Variants in TP53BP2 observed in about 807,000 individuals in gnomAD.
TP53BP2 encodes the protein apoptosis-stimulating of p53 protein 2.
TP53BP2 carries 62 observed loss-of-function variants against 126.2 expected under a neutral mutation model. The ratio of observed to expected loss-of-function variants is 0.49; its 90% CI spans 0.40 to 0.61. The LOEUF (loss-of-function observed/expected upper bound fraction) is 0.61, where lower values mean the gene tolerates loss of function less well. Among genes scored for constraint, TP53BP2 ranks in the 20% least tolerant of loss-of-function variants. TP53BP2 has a pLI of 0.00. For missense variants in TP53BP2, 1,215 were observed against 1,402.8 expected (o/e 0.87, Z 2.14); for synonymous variants, 485 against 502.9 (o/e 0.96, Z 0.48).
At position 223,845,798 on chromosome 1, in the gene TP53BP2, G is replaced by GGCA. The variant is rs1460762300; in HGVS notation, c.-121_-119dup. ...GGACCTGTTGCGAGGCGGCGGCGGC[G>GGCA]GCAGCGGCGGCGCGCGGGTCCGAAG... On this transcript the variant is annotated 5_prime_UTR_variant, in exon 1 of 18. Coordinates refer to ENST00000343537, the MANE Select transcript of TP53BP2 (RefSeq NM_001031685.3). 3,629 of 1,007,346 alleles carry GGCA rather than the reference G, an allele frequency of 3.6e-3. 12 individuals are homozygous for GGCA. Among genetic ancestry groups the GGCA allele is most frequent in the Non-Finnish European group, 4.0e-3 (3,121 of 789,026 alleles). The allele number at this position is 1,007,346 out of a possible 1,614,324, so 62.4% of individuals were successfully genotyped here.
rs1241614443 is a variant in TP53BP2 at position 223,845,608 on chromosome 1, C to T, written c.27+46G>A. The stretch of plus-strand genomic sequence containing the variant: ...GCGCGGACCAGCCCCCGGCACGCGA[C>T]CCCGCACACTTCCGGGCCCGACGCC... On this transcript the variant is annotated intron_variant, in intron 1 of 17. Transcript: ENST00000343537. 25 of 1,531,090 alleles carry T rather than the reference C, an allele frequency of 1.6e-5. No homozygotes were observed. The African/African-American group carries it at 3.2e-4, about 19-fold the overall frequency. The allele number at this position is 1,531,090 out of a possible 1,614,324, so 94.8% of individuals were successfully genotyped here.
intron 17 of TP53BP2, among the ~76,000 whole-genome samples, chr1:223,783,374 TC>T (rs1388595128): frequency 5.3e-5 from 8 of 152,198 alleles, no homozygotes; most frequent in African/African-American, 1.4e-4. Flanking sequence ...AACTGGCTCT[TC>T]CCTTCCTCAA....
chr1:223,820,608 C>G (rs73131132), intron 2 of TP53BP2, among the ~76,000 whole-genome samples: 2,996 of 152,200 alleles, frequency 0.02, 105 homozygotes, highest in African/African-American at 0.067. Flanking sequence ...GTGTGACTTG[C>G]TCTGGGGATA....
At chr1:223,813,317 G>A (rs1422530439) in intron 3 of TP53BP2, among the ~76,000 whole-genome samples, 1 of 152,000 alleles carries the variant, frequency 6.6e-6, no homozygotes, top group Non-Finnish European at 1.5e-5. Context: ...GCCCCACCTG[G>A]GACCACAACA....
At chr1:223,799,632 A>G (rs1662462534) in intron 11 of TP53BP2, among the ~76,000 whole-genome samples, 1 of 152,230 alleles carries the variant, frequency 6.6e-6, no homozygotes, top group Admixed American at 6.5e-5. Context: ...AACAATACAA[A>G]TACAGTGTTC....
At position 223,796,133 on chromosome 1, in the gene TP53BP2, G is replaced by A. The variant is rs754183423; in HGVS notation, c.2406C>T (p.Pro802=). Residue 802 remains proline (P), a synonymous_variant, in exon 13 of 18, where the codon CCC becomes CCT. Coordinates refer to ENST00000343537, the MANE Select transcript of TP53BP2 (RefSeq NM_001031685.3). This position sits in a 1 kb window ranked among gnomAD's most constrained non-coding sequence, Gnocchi z 4.2. ...EIQNPYLHVE[P]EKEVVSLVPE... ...GAACCAGAGAGACCACCTCCTTTTCGGGCTCCACATGTAAATATGGATTCT... is the reference window on the plus strand; with the variant it reads ...GAACCAGAGAGACCACCTCCTTTTCAGGCTCCACATGTAAATATGGATTCT... The A allele has an allele frequency of 6.4e-5, 103 of 1,613,954 alleles. No homozygotes were observed. Among genetic ancestry groups the A allele is most frequent in the Admixed American group, 2.2e-4 (13 of 59,988 alleles).
intron 11 of TP53BP2, among the ~76,000 whole-genome samples, chr1:223,799,433 A>G (rs1662454066): frequency 6.6e-6 from 1 of 152,182 alleles, no homozygotes; most frequent in East Asian, 1.9e-4. Context: ...CATCTTTCAT[A>G]TTCAGATGGC....
intron 12 of TP53BP2, 98 bp downstream of exon 12, chr1:223,798,117 G>A: frequency 8.2e-7 from 1 of 1,212,138 alleles, no homozygotes; most frequent in Non-Finnish European, 1.2e-6. Flanking sequence ...CTTAGCGTCA[G>A]TCAAAATAGG....
At chr1:223,831,251 C>T (rs1326906578) in intron 1 of TP53BP2, among the ~76,000 whole-genome samples, 1 of 146,816 alleles carries the variant, frequency 6.8e-6, no homozygotes, top group African/African-American at 2.5e-5. Flanking sequence ...AAAAATAGCT[C>T]GGTGTGGTAG....
At chr1:223,789,509 G>A (rs1662081106) in intron 15 of TP53BP2, among the ~76,000 whole-genome samples, 2 of 152,204 alleles carry the variant, frequency 1.3e-5, no homozygotes, top group African/African-American at 4.8e-5. Context: ...ATGTCCTGGA[G>A]CATCCAGCCT....
rs1190794098 is a variant in TP53BP2 at position 223,799,920 on chromosome 1, T to C, written c.1464A>G (p.Glu488=). 6.3e-7 allele frequency: 1 copy of C among 1,598,626 alleles called. No individual in the cohort carries two copies. The highest frequency in any genetic ancestry group is 8.5e-7 in the Non-Finnish European group (1 of 1,175,786). ...GTACCTGAGCATCCCGCAAGATATCTTCACTGCTCTGGTTCTTCCTCAGAG... is the reference window on the plus strand; with the variant it reads ...GTACCTGAGCATCCCGCAAGATATCCTCACTGCTCTGGTTCTTCCTCAGAG... ...FGTLRKNQSS[E]DILRDAQVAN... is the part of the protein sequence containing the mutation. Residue 488 remains glutamate, a synonymous_variant, in exon 11 of 18, where the codon GAA becomes GAG. Coordinates refer to ENST00000343537, the MANE Select transcript of TP53BP2 (RefSeq NM_001031685.3).
In TP53BP2 at chr1:223,796,731, T is replaced by C; in HGVS notation, c.1949-141A>G. 1.3e-6 allele frequency: 1 copy of C among 768,096 alleles called. No individual in the cohort carries two copies. The highest frequency in any genetic ancestry group is 1.9e-6 in the Non-Finnish European group (1 of 523,738). The allele number at this position is 768,096 out of a possible 1,614,324, so 47.6% of individuals were successfully genotyped here. ...ATAATCCCCTTCAAATATAATTAAT[T>C]TTTAAAAATAAATGACAAAGCAGGG... On this transcript the variant is annotated intron_variant, in intron 12 of 17. Coordinates refer to ENST00000343537, the MANE Select transcript of TP53BP2 (RefSeq NM_001031685.3). This position sits in a 1 kb window ranked among gnomAD's most constrained non-coding sequence, Gnocchi z 4.2.
At chr1:223,804,789 T>G (rs1662659721) in intron 5 of TP53BP2, among the ~76,000 whole-genome samples, 1 of 152,176 alleles carries the variant, frequency 6.6e-6, no homozygotes, top group South Asian at 2.1e-4. Flanking sequence ...TTGCATAACC[T>G]CACCAAGCAT....
chr1:223,833,091 G>A (rs186269722), intron 1 of TP53BP2, among the ~76,000 whole-genome samples: 1 of 152,268 alleles, frequency 6.6e-6, no homozygotes, highest in East Asian at 1.9e-4. Context: ...TGATTTCTTA[G>A]CTGTTTCTCT....
intron 2 of TP53BP2, among the ~76,000 whole-genome samples, chr1:223,817,067 G>A (rs1273815774): frequency 6.6e-6 from 1 of 151,228 alleles, no homozygotes; most frequent in African/African-American, 2.4e-5. Context: ...GGCTGAGGTG[G>A]GAGGATCACT....
chr1:223,790,082 G>GC (rs1267098456), intron 15 of TP53BP2, among the ~76,000 whole-genome samples: 1 of 151,474 alleles, frequency 6.6e-6, no homozygotes, highest in Non-Finnish European at 1.5e-5. Context: ...GACCAGCCTG[G>GC]CCAACATGGT....
intron 1 of TP53BP2, among the ~76,000 whole-genome samples, chr1:223,831,480 A>AATATATATAT (rs10543436): frequency 6.2e-4 from 20 of 32,440 alleles, no homozygotes; most frequent in Non-Finnish European, 6.5e-4. Flanking sequence ...AAAAAAAAAA[A>AATATATATAT]ATATATATAT....
At chr1:223,821,512 G>T in intron 1 of TP53BP2, 145 bp from the exon 2 acceptor site, 1 of 1,089,260 alleles carries the variant, frequency 9.2e-7, no homozygotes, top group Non-Finnish European at 1.4e-6. Context: ...CCAAAGGTGA[G>T]GTGTGGACTG....
chr1:223,800,731 T>C lies in TP53BP2; in HGVS notation c.1305A>G (p.Val435=), dbSNP rs1217788698. Residue 435 remains valine, a synonymous_variant, in exon 10 of 18, where the codon GTA becomes GTG. Coordinates refer to ENST00000343537, the MANE Select transcript of TP53BP2 (RefSeq NM_001031685.3). ...CCAGAGCATTCCCAGTGCTTTGAGGTACAGAAGCAGAGCCTTGGCTTGGGA... is the reference window on the plus strand; with the variant it reads ...CCAGAGCATTCCCAGTGCTTTGAGGCACAGAAGCAGAGCCTTGGCTTGGGA... ...DLFPSQGSAS[V]PQSTGNALDQ... 1.9e-6 allele frequency: 3 copies of C among 1,607,516 alleles called. No homozygotes were observed.
Sources: allele counts gnomAD v4.1 joint callset (sites outside exome capture counted in the v4.1 genomes callset), GRCh38; gene constraint gnomAD v4.1.1; non-coding constraint Gnocchi (gnomAD v3.1); transcripts MANE v1.5; gene names NCBI Gene and HGNC (gene_info 2026-07-23, HGNC 2026-07-21).